VAV3: variants seen among roughly 807,000 people sequenced by gnomAD.
VAV3 encodes the protein vav guanine nucleotide exchange factor 3.
Under a neutral mutation model 131.2 loss-of-function variants are expected in VAV3, and 94 were observed. The observed-to-expected ratio is 0.72, with a 90% CI of 0.61 to 0.85. The LOEUF is 0.85. Ranked by LOEUF, VAV3 falls within the 40% of genes least tolerant of loss-of-function variation. The probability of loss-of-function intolerance (pLI) is 0.00; values close to 1 mark genes in which losing one functional copy is unlikely to be tolerated. For synonymous variants in VAV3, 349 were observed against 342.0 expected (o/e 1.02, Z -0.22); for missense variants, 939 against 1,002.7 (o/e 0.94, Z 0.86).
At chr1:107,785,444 GA>G in intron 2 of VAV3, 1 of 1,329,918 alleles carries the variant, frequency 7.5e-7, no homozygotes, top group African/African-American at 1.5e-5. Flanking sequence ...AATTCCGAGG[GA>G]AAGGGTACTT....
chr1:107,698,278 A>T (rs1359902260), intron 17 of VAV3, among the ~76,000 whole-genome samples: 1 of 152,142 alleles, frequency 6.6e-6, no homozygotes, highest in Non-Finnish European at 1.5e-5. Flanking sequence ...GAATTTTGAT[A>T]TTTTCCCGGG....
intron 19 of VAV3, among the ~76,000 whole-genome samples, chr1:107,654,052 A>C (rs1656365312): frequency 6.6e-6 from 1 of 152,154 alleles, no homozygotes; most frequent in Admixed American, 6.6e-5. Flanking sequence ...TTTACATATG[A>C]AGCAACTTAA....
intron 22 of VAV3, among the ~76,000 whole-genome samples, chr1:107,605,685 A>C (rs1652208815): frequency 6.6e-6 from 1 of 152,188 alleles, no homozygotes; most frequent in South Asian, 2.1e-4. Flanking sequence ...TGCAGTCGAA[A>C]CTTTGCTTCA....
At chr1:107,812,408 A>C (rs1667355647) in intron 2 of VAV3, among the ~76,000 whole-genome samples, 1 of 152,072 alleles carries the variant, frequency 6.6e-6, no homozygotes, top group Admixed American at 6.6e-5. Context: ...TACCTAAAAA[A>C]CTCTGATAAC....
intron 1 of VAV3, among the ~76,000 whole-genome samples, chr1:107,927,247 C>T (rs1198928633): frequency 6.6e-6 from 1 of 152,102 alleles, no homozygotes; most frequent in South Asian, 2.1e-4. Flanking sequence ...CAGGACCAAT[C>T]ACCTTCTGAC....
At chr1:107,748,097 T>C (rs1176454790) in intron 15 of VAV3, among the ~76,000 whole-genome samples, 1 of 152,012 alleles carries the variant, frequency 6.6e-6, no homozygotes, top group African/African-American at 2.4e-5. Context: ...AAACATCCTA[T>C]TCCTACCTCT....
intron 1 of VAV3, among the ~76,000 whole-genome samples, chr1:107,924,350 G>A (rs1253791678): frequency 4.0e-5 from 6 of 150,338 alleles, no homozygotes; most frequent in Non-Finnish European, 5.9e-5. Context: ...ACTAAATGAT[G>A]TCAGCTTGAT....
intron 22 of VAV3, among the ~76,000 whole-genome samples, chr1:107,603,724 G>C (rs1289755458): frequency 6.9e-6 from 1 of 145,476 alleles, no homozygotes; most frequent in East Asian, 2.0e-4. Context: ...TTTTTTTTTT[G>C]CATAGAAAGA....
At chr1:107,858,969 G>C (rs2100978728) in intron 2 of VAV3, among the ~76,000 whole-genome samples, 1 of 152,120 alleles carries the variant, frequency 6.6e-6, no homozygotes, top group East Asian at 1.9e-4. Context: ...AAATAATTTG[G>C]GGTTTGGGTG....
chr1:107,751,494 G>A (rs542415975), intron 12 of VAV3, among the ~76,000 whole-genome samples: 4 of 152,214 alleles, frequency 2.6e-5, no homozygotes, highest in South Asian at 2.1e-4. Context: ...TCCAAATTAC[G>A]AGACGGTTCG....
At chr1:107,609,663 A>G (rs942913876) in intron 22 of VAV3, 1 of 364,022 alleles carries the variant, frequency 2.7e-6, no homozygotes, top group Non-Finnish European at 5.0e-6. Context: ...ACATATGCGT[A>G]TGTTCCATTC....
At chr1:107,753,087 A>G in intron 12 of VAV3, among the ~76,000 whole-genome samples, 1 of 152,204 alleles carries the variant, frequency 6.6e-6, no homozygotes, top group East Asian at 1.9e-4. Flanking sequence ...TGAGGTATTT[A>G]TATAAAATGA....
intron 1 of VAV3, among the ~76,000 whole-genome samples, chr1:107,954,804 A>G (rs191068796): frequency 2.8e-3 from 428 of 151,180 alleles, no homozygotes; most frequent in African/African-American, 9.9e-3. Flanking sequence ...ATCGCAGTTC[A>G]CATTCAGATA....
intron 15 of VAV3, among the ~76,000 whole-genome samples, chr1:107,709,633 A>G (rs867913556): frequency 1.3e-5 from 2 of 152,314 alleles, no homozygotes; most frequent in African/African-American, 4.8e-5. Context: ...GTGTCGTGAG[A>G]GGGACCAGGT....
At chr1:107,908,323 A>G (rs1367055838) in intron 1 of VAV3, among the ~76,000 whole-genome samples, 2 of 152,194 alleles carry the variant, frequency 1.3e-5, no homozygotes, top group Admixed American at 6.5e-5. Context: ...CTGTAGGGCT[A>G]TAGGTGGCTG....
At position 107,668,941 on chromosome 1, in the gene VAV3, T is replaced by C. The variant is rs1332112802; in HGVS notation, c.1777+14547A>G. The C allele has an allele frequency of 4.0e-6, 4 of 988,938 alleles. No homozygotes were observed. In the East Asian group the frequency reaches 4.5e-4, roughly 111 times the overall value. 61.3% of individuals were successfully genotyped at this position (988,938 alleles called of 1,614,324 possible). A position where few individuals can be genotyped will look rare whatever the true frequency, so the allele number is the denominator to read the frequency against. ...CAAGCTACTTATCTCAACGTGTTTA[T>C]TTGAATTCTCTTCAACTCTTTCGCG... On this transcript the variant is annotated intron_variant, in intron 19 of 26. Transcript: ENST00000370056.
At position 107,771,700 on chromosome 1, in the gene VAV3, G is replaced by A. The variant is rs866081859; in HGVS notation, c.556-972C>T. On this transcript the variant is annotated intron_variant, in intron 5 of 26. Coordinates refer to ENST00000370056, the MANE Select transcript of VAV3 (RefSeq NM_006113.5). ...AAGCACTTAGCACTTTTCCAAGTGCGCAAGAAGAGTCCTACCCATCTAAAT... is the reference window on the plus strand; with the variant it reads ...AAGCACTTAGCACTTTTCCAAGTGCACAAGAAGAGTCCTACCCATCTAAAT... Among the ~76,000 whole-genome samples, 15 of 152,320 alleles carry A rather than the reference G, an allele frequency of 9.8e-5. No homozygotes were observed. The South Asian group carries it at 2.1e-3, about 21-fold the overall frequency.
chr1:107,576,953 C>A lies in VAV3; in HGVS notation c.2351-2755G>T, dbSNP rs186444743. 1.8e-4 allele frequency among the ~76,000 whole-genome samples: 27 copies of A among 152,256 alleles called. No individual in the cohort carries two copies. The East Asian group carries it at 5.2e-3, about 29-fold the overall frequency. ...ATCCTCCCAGCCAAGCATGCACATCCCAGCTTATTTTCAAAAGGAGAAAAG... is the reference window on the plus strand; with the variant it reads ...ATCCTCCCAGCCAAGCATGCACATCACAGCTTATTTTCAAAAGGAGAAAAG... On this transcript the variant is annotated intron_variant, in intron 25 of 26. Coordinates refer to ENST00000370056, the MANE Select transcript of VAV3 (RefSeq NM_006113.5).
intron 15 of VAV3, among the ~76,000 whole-genome samples, chr1:107,718,492 A>T (rs971825208): frequency 2.0e-5 from 3 of 152,176 alleles, no homozygotes; most frequent in Non-Finnish European, 4.4e-5. Context: ...TAGGAATCCA[A>T]CTTACAAGGG....
Sources: gnomAD v4.1 joint callset for allele counts (sites outside exome capture counted in the v4.1 genomes callset) on GRCh38, gnomAD v4.1.1 for gene constraint, MANE v1.5 for transcripts, NCBI Gene and HGNC (gene_info 2026-07-23, HGNC 2026-07-21) for gene names.